ABCA1: variants seen among roughly 807,000 people sequenced by gnomAD.
ABCA1 encodes the protein phospholipid-transporting ATPase ABCA1.
A neutral mutation model predicts 262.5 loss-of-function variants in ABCA1; 133 were observed. The observed-to-expected ratio is 0.51, with a 90% CI of 0.44 to 0.59. The LOEUF (loss-of-function observed/expected upper bound fraction) is 0.59, where lower values mean the gene tolerates loss of function less well. Among genes scored for constraint, ABCA1 ranks in the 20% least tolerant of loss-of-function variants. ABCA1 has a pLI of 0.00. For missense variants in ABCA1, 2,452 were observed against 2,777.5 expected (o/e 0.88, Z 2.63); for synonymous variants, 1,022 against 1,043.5 (o/e 0.98, Z 0.40).
intron 1 of ABCA1, among the ~76,000 whole-genome samples, chr9:104,904,259 G>C (rs1840908819): frequency 6.6e-6 from 1 of 152,162 alleles, no homozygotes; most frequent in Admixed American, 6.5e-5. Context: ...TTATACAACT[G>C]AGTCCTTCAA....
In ABCA1 at chr9:104,785,650, G is replaced by C; in HGVS notation, c.6402-11C>G. The C allele has an allele frequency of 6.2e-7, 1 of 1,613,592 alleles. No individual in the cohort carries two copies. The highest frequency in any genetic ancestry group is 8.5e-7 in the Non-Finnish European group (1 of 1,179,918). ...TAACCATCTCCAAACCTGAAAGCAG[G>C]AAAAAATACCCAAATGGAGGATCTC... On this transcript the variant is annotated splice_polypyrimidine_tract_variant and intron_variant, in intron 48 of 49. Transcript: ENST00000374736.
At chr9:104,888,383 C>G (rs1057034951) in intron 3 of ABCA1, among the ~76,000 whole-genome samples, 10 of 152,290 alleles carry the variant, frequency 6.6e-5, no homozygotes, top group African/African-American at 2.4e-4. Context: ...TGTCAATCCA[C>G]CCACTGAGCC....
At chr9:104,876,771 G>C (rs1234715757) in intron 5 of ABCA1, among the ~76,000 whole-genome samples, 3 of 152,146 alleles carry the variant, frequency 2.0e-5, no homozygotes, top group South Asian at 2.1e-4. Context: ...TCACCAGAGA[G>C]GGGGCACAGC....
chr9:104,819,332 C>T (rs778681364), intron 22 of ABCA1, among the ~76,000 whole-genome samples: 3 of 152,156 alleles, frequency 2.0e-5, no homozygotes, highest in Admixed American at 1.3e-4. Context: ...TGCCCCTCTC[C>T]GCTTCCATTC....
intron 5 of ABCA1, among the ~76,000 whole-genome samples, chr9:104,877,920 T>C (rs1838291515): frequency 6.6e-6 from 1 of 152,266 alleles, no homozygotes; most frequent in African/African-American, 2.4e-5. Flanking sequence ...AAAATGTTTC[T>C]TTTGAATTAA....
chr9:104,887,986 C>A (rs1382723206), intron 3 of ABCA1, among the ~76,000 whole-genome samples: 1 of 152,172 alleles, frequency 6.6e-6, no homozygotes, highest in Admixed American at 6.5e-5. Context: ...CTTGACTTCC[C>A]ACTGTGCCTG....
chr9:104,860,053 C>CA (rs200596186), intron 6 of ABCA1, among the ~76,000 whole-genome samples: 4,638 of 62,292 alleles, frequency 0.074, 299 homozygotes, highest in African/African-American at 0.15. Context: ...GACTCCAACT[C>CA]AAAAAAAAAA....
At chr9:104,794,339 C>A in intron 40 of ABCA1, 48 bp downstream of exon 40, 1 of 1,613,292 alleles carries the variant, frequency 6.2e-7, no homozygotes, top group Non-Finnish European at 8.5e-7. Flanking sequence ...AAGGCCTATG[C>A]AGAGTGCCAT....
chr9:104,886,075 G>A (rs1002025607), intron 3 of ABCA1, among the ~76,000 whole-genome samples: 5 of 152,156 alleles, frequency 3.3e-5, no homozygotes, highest in Non-Finnish European at 5.9e-5. Context: ...CAGGCAAAGC[G>A]TTTTTGCAGA....
intron 25 of ABCA1, among the ~76,000 whole-genome samples, chr9:104,815,393 GCTTGGAGACCA>G (rs1347928943): frequency 6.6e-6 from 1 of 152,130 alleles, no homozygotes; most frequent in Non-Finnish European, 1.5e-5. Flanking sequence ...GCACTGTCAA[GCTTGGAGACCA>G]CTTGGCCAGA....
In ABCA1 at chr9:104,828,933, G is replaced by A; in HGVS notation, c.2098C>T (p.Leu700=). The A allele has an allele frequency of 6.2e-7, 1 of 1,614,118 alleles. No homozygotes were observed. Among genetic ancestry groups the A allele is most frequent in the Admixed American group, 1.7e-5 (1 of 60,018 alleles). The change falls in exon 15 of 50, where the codon CTA becomes TTA. Residue 700 remains leucine (L), a synonymous_variant. Coordinates refer to ENST00000374736, the MANE Select transcript of ABCA1 (RefSeq NM_005502.4). ...TGCCTTACCTTCAGGATGACCACTA[G>A]CAGGCCAGCGCTCACAAGAAGAGGA... ...LIPLLVSAGL[L]VVILKLGNLL...
At position 104,845,510 on chromosome 9, in the gene ABCA1, T is replaced by C. The variant is rs757208291; in HGVS notation, c.780A>G (p.Thr260=). The C allele has an allele frequency of 3.1e-6, 5 of 1,613,980 alleles. No individual in the cohort carries two copies. In the Admixed American group the frequency reaches 8.3e-5, roughly 27 times the overall value. Residue 260 remains threonine (T), a synonymous_variant, in exon 8 of 50, where the codon ACA becomes ACG. Transcript: ENST00000374736. Reference sequence around the variant, plus strand: ...CCAGAGTCCCAAGACTATGCAGCAATGTTTTTGTGGCTTCAGCCAGCTCCT... The same window carrying C: ...CCAGAGTCCCAAGACTATGCAGCAACGTTTTTGTGGCTTCAGCCAGCTCCT... ...PSKELAEATK[T]LLHSLGTLAQ... is the part of the protein sequence containing the mutation.
chr9:104,803,264 C>T lies in ABCA1; in HGVS notation c.4592+20G>A. ...CCATCCTCCCCCTGAGCTAAACGTGCCAGAAAGACAGCAACTTACCTAAAC... is the reference window on the plus strand; with the variant it reads ...CCATCCTCCCCCTGAGCTAAACGTGTCAGAAAGACAGCAACTTACCTAAAC... On this transcript the variant is annotated intron_variant, in intron 33 of 49. Transcript: ENST00000374736. 2 of 1,613,934 alleles carry T rather than the reference C, an allele frequency of 1.2e-6. No individual in the cohort carries two copies. Among genetic ancestry groups the T allele is most frequent in the South Asian group, 1.1e-5 (1 of 91,072 alleles).
intron 7 of ABCA1, among the ~76,000 whole-genome samples, chr9:104,853,492 T>A (rs1835560446): frequency 6.6e-6 from 1 of 152,040 alleles, no homozygotes. Context: ...TTCCTCAAAT[T>A]CCCAGACTCA....
chr9:104,880,466 A>T (rs1022999802), intron 5 of ABCA1, among the ~76,000 whole-genome samples: 1 of 151,606 alleles, frequency 6.6e-6, no homozygotes, highest in Admixed American at 6.6e-5. Context: ...CTCTAAGGGC[A>T]CCACTGCACT....
Position 104,788,041 on chromosome 9 carries a change from GC to G in ABCA1, c.6082del (p.Ala2028ArgfsTer8). The G allele has an allele frequency of 6.2e-7, 1 of 1,614,112 alleles. No individual in the cohort carries two copies. Among genetic ancestry groups the G allele is most frequent in the South Asian group, 1.1e-5 (1 of 91,082 alleles). Reference protein sequence around the residue: ...EKEVGKVGEWAIRKLGLVKYG... With the variant: ...EKEVGKVGEWXIRKLGLVKYG... The stretch of plus-strand genomic sequence containing the variant: ...CTTCACGAGGCCCAGTTTCCGAATC[GC>G]CCACTCACCAACCTACAGTGATAAA... On this transcript the variant is annotated frameshift_variant, in exon 46 of 50. Transcript: ENST00000374736. LOFTEE classifies it high-confidence loss of function.
In ABCA1 at chr9:104,817,146, C is replaced by A; in HGVS notation, c.3535+186G>T. 2 of 935,268 alleles carry A rather than the reference C, an allele frequency of 2.1e-6. No individual in the cohort carries two copies. Among genetic ancestry groups the A allele is most frequent in the Non-Finnish European group, 2.5e-6 (2 of 784,406 alleles). The allele number at this position is 935,268 out of a possible 1,614,324, so 57.9% of individuals were successfully genotyped here. On this transcript the variant is annotated intron_variant, in intron 24 of 49. Coordinates refer to ENST00000374736, the MANE Select transcript of ABCA1 (RefSeq NM_005502.4). This position sits in a 1 kb window ranked among gnomAD's most constrained non-coding sequence, Gnocchi z 4.7. Reference sequence around the variant, plus strand: ...GCTAGCTCCCAAACCGAGCCCCAGGCACCCCAGCAAGCATTAGGCCAACCC... The same window carrying A: ...GCTAGCTCCCAAACCGAGCCCCAGGAACCCCAGCAAGCATTAGGCCAACCC...
Position 104,840,525 on chromosome 9 carries a change from G to T in ABCA1, c.814-6C>A. 1 of 1,609,060 alleles carries T rather than the reference G, an allele frequency of 6.2e-7. No individual in the cohort carries two copies. The highest frequency in any genetic ancestry group is 8.5e-7 in the Non-Finnish European group (1 of 1,178,382). On this transcript the variant is annotated splice_polypyrimidine_tract_variant and splice_region_variant and intron_variant, in intron 8 of 49. Transcript: ENST00000374736. ...CAGCTTCTCATGCTGAACAGCTGGC[G>T]TCAGGGATGGGGACAGAAAGGAGGG...
chr9:104,910,518 T>C (rs1414354074), intron 1 of ABCA1, among the ~76,000 whole-genome samples: 1 of 152,222 alleles, frequency 6.6e-6, no homozygotes, highest in African/African-American at 2.4e-5. Context: ...AGATAGCAAC[T>C]AATTCTCCTC....
Sources: gnomAD v4.1 joint callset for allele counts (sites outside exome capture counted in the v4.1 genomes callset) on GRCh38, gnomAD v4.1.1 for gene constraint, Gnocchi (gnomAD v3.1) non-coding constraint, MANE v1.5 for transcripts, NCBI Gene and HGNC (gene_info 2026-07-23, HGNC 2026-07-21) for gene names.